ZNF260: variants seen among roughly 807,000 people sequenced by gnomAD.
ZNF260 encodes zinc finger protein 260, also known as zfp-260.
Under a neutral mutation model 29.3 loss-of-function variants are expected in ZNF260, and 21 were observed. That is an observed-to-expected ratio of 0.72 (90% confidence interval 0.51 to 1.03). ZNF260 has a LOEUF of 1.03. ZNF260 is among the 50% of genes least tolerant of loss of function. The pLI, the probability that ZNF260 is intolerant of heterozygous loss-of-function variation, is 0.00. For synonymous variants in ZNF260, 156 were observed against 156.8 expected (o/e 0.99, Z 0.04); for missense variants, 465 against 487.8 (o/e 0.95, Z 0.44).
rs562045815 is a variant in ZNF260, at chr19:36,524,150, A to T, written c.-462+1005T>A. ...GTTTTTTTATTGATACATAATAGTT[A>T]TACATAGAATGATTAATTTATTTTA... On this transcript the variant is annotated intron_variant, in intron 2 of 2. Transcript: ENST00000523638. 2.0e-5 allele frequency among the ~76,000 whole-genome samples: 3 copies of T among 152,148 alleles called. No homozygotes were observed. The South Asian group carries it at 6.2e-4, about 32-fold the overall frequency.
At chr19:36,518,703 A>G (rs1379637003) in intron 2 of ZNF260, among the ~76,000 whole-genome samples, 1 of 152,192 alleles carries the variant, frequency 6.6e-6, no homozygotes, top group Non-Finnish European at 1.5e-5. Context: ...AATAAAGAAC[A>G]CTTCCCAGAA....
Position 36,513,933 on chromosome 19 carries a change from T to C in ZNF260, c.*67A>G. 6.6e-7 allele frequency: 1 copy of C among 1,504,422 alleles called. No individual in the cohort carries two copies. Among genetic ancestry groups the C allele is most frequent in the South Asian group, 1.3e-5 (1 of 77,058 alleles). The allele number at this position is 1,504,422 out of a possible 1,614,324, so 93.2% of individuals were successfully genotyped here. Reference sequence around the variant, plus strand: ...TGTCACTTTAATGTAAAATGAATTTTCCAATACACTATTAAGTGTAAAATC... The same window carrying C: ...TGTCACTTTAATGTAAAATGAATTTCCCAATACACTATTAAGTGTAAAATC... On this transcript the variant is annotated 3_prime_UTR_variant, in exon 3 of 3. Coordinates refer to ENST00000523638, the MANE Select transcript of ZNF260 (RefSeq NM_001166037.2).
rs572579320 is a variant in ZNF260 at position 36,511,987 on chromosome 19, G to A, written c.*2013C>T. Reference sequence around the variant, plus strand: ...TTCTAATGCTAATACTGGTTATGCAGAGTATTAAAATTTCTGATAAATGTT... The same window carrying A: ...TTCTAATGCTAATACTGGTTATGCAAAGTATTAAAATTTCTGATAAATGTT... On this transcript the variant is annotated 3_prime_UTR_variant, in exon 3 of 3. Coordinates refer to ENST00000523638, the MANE Select transcript of ZNF260 (RefSeq NM_001166037.2). 1.3e-5 allele frequency: 2 copies of A among 152,106 alleles called. No individual in the cohort carries two copies. Among genetic ancestry groups the A allele is most frequent in the African/African-American group, 2.4e-5 (1 of 41,432 alleles). 9.4% of individuals were successfully genotyped at this position (152,106 alleles called of 1,614,324 possible). A position where few individuals can be genotyped will look rare whatever the true frequency, so the allele number is the denominator to read the frequency against.
At chr19:36,524,171 TTTTA>T (rs1485067912) in intron 2 of ZNF260, among the ~76,000 whole-genome samples, 5 of 152,094 alleles carry the variant, frequency 3.3e-5, no homozygotes, top group East Asian at 1.9e-4. Flanking sequence ...GATTAATTTA[TTTTA>T]TTTATTATTA....
rs910159419 is a variant in ZNF260, at chr19:36,528,014, C to T, written c.-681+205G>A. On this transcript the variant is annotated intron_variant, in intron 1 of 2. Transcript: ENST00000523638. ...TCTGCACCCTCAACACCCCCTCACA[C>T]TCTCGGTCACCCACCCGCGAACCCA... is the stretch of plus-strand genomic sequence containing the variant. 3.9e-5 allele frequency among the ~76,000 whole-genome samples: 6 copies of T among 152,250 alleles called. No individual in the cohort carries two copies. The East Asian group carries it at 1.2e-3, about 29-fold the overall frequency.
intron 2 of ZNF260, among the ~76,000 whole-genome samples, chr19:36,522,120 C>T (rs904320331): frequency 6.6e-5 from 10 of 151,746 alleles, no homozygotes; most frequent in African/African-American, 2.4e-4. Flanking sequence ...TAATGGCAAG[C>T]AAACTCTTAA....
intron 2 of ZNF260, among the ~76,000 whole-genome samples, chr19:36,519,622 CA>C (rs1416505604): frequency 3.9e-5 from 6 of 151,944 alleles, no homozygotes; most frequent in Admixed American, 3.9e-4. Flanking sequence ...TTTAAATGCC[CA>C]AAGAACATTC....
Position 36,514,779 on chromosome 19 carries a change from G to C in ZNF260, c.460C>G (p.His154Asp). The change falls in exon 3 of 3, where the codon CAT becomes GAT. Residue 154 changes from histidine to aspartate, a missense_variant. Transcript: ENST00000523638. ...TTTTCTCCAGTATGAATTTTCTCAT[G>C]CTCAGTGAGATATGCTTTGCCGTTA... ...AFNGKAYLTE[H>D]EKIHTGEKPF... is the part of the protein sequence containing the mutation. The C allele has an allele frequency of 6.2e-7, 1 of 1,613,770 alleles. No individual in the cohort carries two copies. The highest frequency in any genetic ancestry group is 8.5e-7 in the Non-Finnish European group (1 of 1,180,002).
intron 1 of ZNF260, among the ~76,000 whole-genome samples, chr19:36,526,894 A>G (rs17707014): frequency 0.15 from 23,474 of 152,206 alleles, 2,280 homozygotes; most frequent in Non-Finnish European, 0.22. Context: ...ATGGGATATA[A>G]CAAATCAAAG....
At chr19:36,518,280 T>C (rs1398841623) in intron 2 of ZNF260, 1 of 152,102 alleles carries the variant, frequency 6.6e-6, no homozygotes, top group African/African-American at 2.4e-5. Context: ...CACAAATTAA[T>C]ATAGAGCTAA....
rs189699663 is a variant in ZNF260, at chr19:36,511,199, T to C, written c.*2801A>G. On this transcript the variant is annotated 3_prime_UTR_variant, in exon 3 of 3. Coordinates refer to ENST00000523638, the MANE Select transcript of ZNF260 (RefSeq NM_001166037.2). ...TAATATATTTAAAATCAGTCTAAGG[T>C]TTTAATGCTGTATACCCATTTTCAT... The C allele has an allele frequency of 6.6e-6, 1 of 152,200 alleles. No individual in the cohort carries two copies. The highest frequency in any genetic ancestry group is 2.4e-5 in the African/African-American group (1 of 41,532). The allele number at this position is 152,200 out of a possible 1,614,324, so 9.4% of individuals were successfully genotyped here.
intron 2 of ZNF260, among the ~76,000 whole-genome samples, chr19:36,522,393 T>C (rs2034660904): frequency 6.6e-6 from 1 of 150,746 alleles, no homozygotes; most frequent in East Asian, 2.0e-4. Flanking sequence ...GAGATGGAGG[T>C]TGTAGTGAGC....
At position 36,513,641 on chromosome 19, in the gene ZNF260, C is replaced by T. The variant is rs192615649; in HGVS notation, c.*359G>A. 2 of 415,554 alleles carry T rather than the reference C, an allele frequency of 4.8e-6. No individual in the cohort carries two copies. Among genetic ancestry groups the T allele is most frequent in the African/African-American group, 2.0e-5 (1 of 49,162 alleles). 25.7% of individuals were successfully genotyped at this position (415,554 alleles called of 1,614,324 possible). On this transcript the variant is annotated 3_prime_UTR_variant, in exon 3 of 3. Coordinates refer to ENST00000523638, the MANE Select transcript of ZNF260 (RefSeq NM_001166037.2). ...TTTACAATTCATATATGTAGCAAAA[C>T]ATCACAAAAATGATAATTTTGTCTC...
intron 2 of ZNF260, among the ~76,000 whole-genome samples, chr19:36,522,385 G>C (rs2034660808): frequency 6.6e-6 from 1 of 151,328 alleles, no homozygotes; most frequent in Non-Finnish European, 1.5e-5. Flanking sequence ...GAACCTGGGA[G>C]ATGGAGGTTG....
rs2034768763 is a variant in ZNF260, at chr19:36,528,207, A to C, written c.-681+12T>G. The C allele has an allele frequency of 6.6e-6, 1 of 152,390 alleles. No homozygotes were observed. The allele number at this position is 152,390 out of a possible 1,614,324, so 9.4% of individuals were successfully genotyped here. A position where few individuals can be genotyped will look rare whatever the true frequency, so the allele number is the denominator to read the frequency against. The stretch of plus-strand genomic sequence containing the variant: ...AGAAACCCAAGTCCCACAGGGCCGA[A>C]ACCCAACTCACCGGCAGACAAAGAC... On this transcript the variant is annotated intron_variant, in intron 1 of 2. Coordinates refer to ENST00000523638, the MANE Select transcript of ZNF260 (RefSeq NM_001166037.2).
rs1178171461 is a variant in ZNF260, at chr19:36,512,720, A to AATT, written c.*1279_*1280insAAT. 1.3e-5 allele frequency: 2 copies of AATT among 152,174 alleles called. No homozygotes were observed. The highest frequency in any genetic ancestry group is 4.8e-5 in the African/African-American group (2 of 41,464). The allele number at this position is 152,174 out of a possible 1,614,324, so 9.4% of individuals were successfully genotyped here. ...CTAATTTTTTAAAAATATTTCTGTTAATATATAGACTTAATTTGTCACTTA... is the reference window on the plus strand; with the variant it reads ...CTAATTTTTTAAAAATATTTCTGTTAATTATATATAGACTTAATTTGTCACTTA... On this transcript the variant is annotated 3_prime_UTR_variant, in exon 3 of 3. Coordinates refer to ENST00000523638, the MANE Select transcript of ZNF260 (RefSeq NM_001166037.2).
At position 36,514,482 on chromosome 19, in the gene ZNF260, A is replaced by G; in HGVS notation, c.757T>C (p.Cys253Arg). 6.2e-7 allele frequency: 1 copy of G among 1,614,054 alleles called. No homozygotes were observed. The highest frequency in any genetic ancestry group is 2.2e-5 in the East Asian group (1 of 44,854). ...GACTTGCCACTGAAGGCTTTCCCACATTCCTTACACGTATAAGGTTTCTCT... is the reference window on the plus strand; with the variant it reads ...GACTTGCCACTGAAGGCTTTCCCACGTTCCTTACACGTATAAGGTTTCTCT... ...TGEKPYTCKE[C>R]GKAFSGKSNL... is the part of the protein sequence containing the mutation. Residue 253 changes from cysteine to arginine, a missense_variant, in exon 3 of 3, where the codon TGT becomes CGT. Coordinates refer to ENST00000523638, the MANE Select transcript of ZNF260 (RefSeq NM_001166037.2).
chr19:36,518,355 G>A (rs1469955217), intron 2 of ZNF260, among the ~76,000 whole-genome samples: 2 of 152,126 alleles, frequency 1.3e-5, no homozygotes, highest in Non-Finnish European at 2.9e-5. Context: ...ACAAGGCAAA[G>A]AGCAGAAAAA....
chr19:36,515,130 T>C lies in ZNF260; in HGVS notation c.109A>G (p.Ser37Gly). 3 of 1,614,004 alleles carry C rather than the reference T, an allele frequency of 1.9e-6. No individual in the cohort carries two copies. Among genetic ancestry groups the C allele is most frequent in the Non-Finnish European group, 2.5e-6 (3 of 1,179,950 alleles). Residue 37 changes from serine to glycine, a missense_variant, in exon 3 of 3, where the codon AGC (serine) becomes GGC (glycine). Coordinates refer to ENST00000523638, the MANE Select transcript of ZNF260 (RefSeq NM_001166037.2). ...TGCTCTACAAGGTTTTGCTTCAGGC[T>C]AAAAGTTTTTCTACATTCATTACAT... ...YECNECRKTF[S>G]LKQNLVEHKK...
Sources: allele counts gnomAD v4.1 joint callset (sites outside exome capture counted in the v4.1 genomes callset), GRCh38; gene constraint gnomAD v4.1.1; transcripts MANE v1.5; gene names NCBI Gene and HGNC (gene_info 2026-07-23, HGNC 2026-07-21).